SUPT3H: variants seen among roughly 807,000 people sequenced by gnomAD.
SUPT3H encodes the protein transcription initiation protein SPT3 homolog.
In SUPT3H, 44 loss-of-function variants were observed where a neutral mutation model predicts 44.3. The ratio of observed to expected loss-of-function variants is 0.99; its 90% CI spans 0.78 to 1.28. The LOEUF is 1.28. Ranked by LOEUF, SUPT3H falls within the 50% of genes most tolerant of loss-of-function variation. The pLI is 0.00. For synonymous variants in SUPT3H, 124 were observed against 125.6 expected, an observed-to-expected ratio of 0.99 and a Z score of 0.09; for missense variants, 380 against 387.1, an observed-to-expected ratio of 0.98 and a Z score of 0.15.
chr6:44,891,326 G>A (rs535765767), intron 10 of SUPT3H, among the ~76,000 whole-genome samples: 35 of 152,024 alleles, frequency 2.3e-4, no homozygotes, highest in Admixed American at 6.6e-4. Context: ...CAATATTCAC[G>A]GCCACATTAT....
chr6:45,004,267 T>C (rs1412645703), intron 5 of SUPT3H, among the ~76,000 whole-genome samples: 7 of 151,992 alleles, frequency 4.6e-5, no homozygotes, highest in Admixed American at 4.6e-4. Flanking sequence ...TGAAATACTA[T>C]CTAGTAATAA....
intron 10 of SUPT3H, among the ~76,000 whole-genome samples, chr6:44,835,206 C>T (rs768025784): frequency 4.6e-5 from 7 of 152,122 alleles, no homozygotes; most frequent in Middle Eastern, 3.4e-3. Context: ...TTGGGTTGAG[C>T]AAATAATATG....
chr6:45,169,057 G>T (rs984817169), intron 2 of SUPT3H, among the ~76,000 whole-genome samples: 3 of 152,022 alleles, frequency 2.0e-5, no homozygotes, highest in African/African-American at 7.2e-5. Flanking sequence ...ATGGATCAGA[G>T]AATTTTAAAA....
At chr6:45,083,596 C>A (rs1172102649) in intron 3 of SUPT3H, among the ~76,000 whole-genome samples, 2 of 151,990 alleles carry the variant, frequency 1.3e-5, no homozygotes, top group East Asian at 3.9e-4. Flanking sequence ...AGAAAAAACT[C>A]TTCTAAAATT....
chr6:45,273,355 C>G (rs889389562), intron 2 of SUPT3H, among the ~76,000 whole-genome samples: 2 of 152,140 alleles, frequency 1.3e-5, no homozygotes, highest in African/African-American at 4.8e-5. Context: ...GGGGCACTGT[C>G]GTCCTCATAT....
At chr6:45,079,374 G>A (rs771962089) in intron 3 of SUPT3H, among the ~76,000 whole-genome samples, 70 of 151,040 alleles carry the variant, frequency 4.6e-4, no homozygotes, top group Admixed American at 1.9e-3. Context: ...AAAAGAAGAG[G>A]AGGAGGAGAA....
intron 2 of SUPT3H, among the ~76,000 whole-genome samples, chr6:45,115,933 C>A (rs1235086161): frequency 1.3e-5 from 2 of 152,094 alleles, no homozygotes; most frequent in African/African-American, 2.4e-5. Context: ...AGTAAACACA[C>A]CCTTGAGTGC....
intron 10 of SUPT3H, among the ~76,000 whole-genome samples, chr6:44,903,158 A>G (rs1355535036): frequency 1.3e-5 from 2 of 152,076 alleles, no homozygotes; most frequent in Non-Finnish European, 1.5e-5. Context: ...AAAGCTAGCA[A>G]AAGGCAAGAA....
chr6:44,879,772 T>C (rs866550958), intron 10 of SUPT3H, among the ~76,000 whole-genome samples: 9 of 152,150 alleles, frequency 5.9e-5, no homozygotes, highest in Admixed American at 3.3e-4. Flanking sequence ...CTGCTGGTGA[T>C]ACCCAGGCAA....
At chr6:45,377,699 G>C (rs1204766005) in intron 1 of SUPT3H, 69 bp downstream of exon 1, 1 of 152,292 alleles carries the variant, frequency 6.6e-6, no homozygotes, top group South Asian at 2.1e-4. Context: ...TCTCCGCTCT[G>C]CGTCCCTCCC....
At chr6:44,978,031 C>A (rs1384851183) in intron 6 of SUPT3H, among the ~76,000 whole-genome samples, 1 of 151,820 alleles carries the variant, frequency 6.6e-6, no homozygotes, top group African/African-American at 2.4e-5. Context: ...AATATTCAGA[C>A]TACATTTTCT....
intron 2 of SUPT3H, among the ~76,000 whole-genome samples, chr6:45,254,305 C>A (rs1286456776): frequency 1.3e-5 from 2 of 152,162 alleles, no homozygotes; most frequent in African/African-American, 2.4e-5. Flanking sequence ...AGAGGAGGCA[C>A]ACAATTTAAA....
chr6:45,060,652 A>T (rs1791850269), intron 3 of SUPT3H, among the ~76,000 whole-genome samples: 1 of 152,182 alleles, frequency 6.6e-6, no homozygotes, highest in Non-Finnish European at 1.5e-5. Context: ...CAGAGTGAAC[A>T]GACAACCTAA....
intron 10 of SUPT3H, among the ~76,000 whole-genome samples, chr6:44,868,025 C>T (rs1218127446): frequency 6.7e-6 from 1 of 150,128 alleles, no homozygotes; most frequent in Admixed American, 6.7e-5. Context: ...CTCAATGGAT[C>T]TCTTGGTCAT....
intron 2 of SUPT3H, among the ~76,000 whole-genome samples, chr6:45,230,144 C>A (rs993397461): frequency 6.6e-6 from 1 of 152,174 alleles, no homozygotes; most frequent in East Asian, 1.9e-4. Context: ...CAGTTCCATC[C>A]ACAAACTGGA....
chr6:45,065,767 T>C (rs1793180841), intron 3 of SUPT3H, among the ~76,000 whole-genome samples: 5 of 151,894 alleles, frequency 3.3e-5, no homozygotes, highest in East Asian at 1.9e-4. Context: ...CAGGAAGAAG[T>C]TGAATCTCTG....
chr6:45,128,088 A>C (rs1802716117), intron 2 of SUPT3H, among the ~76,000 whole-genome samples: 1 of 152,134 alleles, frequency 6.6e-6, no homozygotes, highest in African/African-American at 2.4e-5. Context: ...TCTGATATTA[A>C]TATAGCCCTA....
intron 3 of SUPT3H, among the ~76,000 whole-genome samples, chr6:45,023,738 CAT>C (rs55988930): frequency 0.96 from 146,781 of 152,106 alleles, 70,852 homozygotes; most frequent in East Asian, 1. Flanking sequence ...AAAAAGGAAA[CAT>C]AGACACTGGG....
chr6:44,930,313 G>A (rs375125589), intron 10 of SUPT3H, among the ~76,000 whole-genome samples: 7 of 151,760 alleles, frequency 4.6e-5, no homozygotes, highest in African/African-American at 1.5e-4. Flanking sequence ...TCCGGGAGGC[G>A]GAGCTTGCAG....
Sources: allele counts gnomAD v4.1 joint callset (sites outside exome capture counted in the v4.1 genomes callset), GRCh38; gene constraint gnomAD v4.1.1; transcripts MANE v1.5; gene names NCBI Gene and HGNC (gene_info 2026-07-23, HGNC 2026-07-21).